The following NELL1 variants were observed in gnomAD, a reference collection of about 807,000 sequenced individuals.
NELL1 encodes neural EGFL like 1.
NELL1 carries 76 observed loss-of-function variants against 107.4 expected under a neutral mutation model. The observed-to-expected ratio is 0.71, with a 90% CI of 0.59 to 0.86. NELL1 has a LOEUF of 0.86. Among genes scored for constraint, NELL1 ranks in the 40% least tolerant of loss-of-function variants. The probability of loss-of-function intolerance (pLI) is 0.00; values close to 1 mark genes in which losing one functional copy is unlikely to be tolerated. For synonymous variants in NELL1, 353 were observed against 341.2 expected (o/e 1.03, Z -0.38); for missense variants, 1,024 against 1,005.5 (o/e 1.02, Z -0.25).
chr11:21,297,529 G>T (rs951388606), intron 14 of NELL1, among the ~76,000 whole-genome samples: 2 of 151,964 alleles, frequency 1.3e-5, no homozygotes, highest in Non-Finnish European at 2.9e-5. Context: ...AAGTTATTTT[G>T]ATCTGTTTTA....
At chr11:21,123,439 G>A (rs1037499514) in intron 13 of NELL1, among the ~76,000 whole-genome samples, 5 of 151,586 alleles carry the variant, frequency 3.3e-5, no homozygotes, top group African/African-American at 1.2e-4. Context: ...TTCAAGCTTA[G>A]GATTAATAAA....
intron 7 of NELL1, among the ~76,000 whole-genome samples, chr11:20,926,615 C>T (rs1850501645): frequency 6.6e-6 from 1 of 152,134 alleles, no homozygotes; most frequent in Admixed American, 6.5e-5. Context: ...GCTTTATAAT[C>T]CCTTTCCAGC....
At chr11:21,417,543 G>A (rs995820549) in intron 15 of NELL1, among the ~76,000 whole-genome samples, 4 of 151,220 alleles carry the variant, frequency 2.6e-5, no homozygotes, top group Admixed American at 6.6e-5. Context: ...CTTTTTACTA[G>A]TAAATCATCT....
intron 15 of NELL1, among the ~76,000 whole-genome samples, chr11:21,476,843 C>G (rs1854347847): frequency 6.6e-6 from 1 of 152,044 alleles, no homozygotes; most frequent in Non-Finnish European, 1.5e-5. Flanking sequence ...CACAGTGCTG[C>G]CCTGTCACAG....
intron 13 of NELL1, among the ~76,000 whole-genome samples, chr11:21,201,337 G>A (rs778028153): frequency 3.9e-5 from 6 of 152,048 alleles, no homozygotes; most frequent in Non-Finnish European, 7.3e-5. Flanking sequence ...CCTTGAAGAG[G>A]TCCTTCACAT....
At chr11:21,458,043 C>G (rs1853795180) in intron 15 of NELL1, among the ~76,000 whole-genome samples, 1 of 151,980 alleles carries the variant, frequency 6.6e-6, no homozygotes, top group Non-Finnish European at 1.5e-5. Flanking sequence ...AGGCCAAAGA[C>G]TAATCACTCT....
At chr11:21,131,327 G>T (rs763085612) in intron 13 of NELL1, among the ~76,000 whole-genome samples, 32 of 152,282 alleles carry the variant, frequency 2.1e-4, no homozygotes, top group Non-Finnish European at 4.4e-4. Context: ...CAAATCATTT[G>T]TGTCAGCATT....
intron 14 of NELL1, among the ~76,000 whole-genome samples, chr11:21,254,021 C>T (rs1170474617): frequency 1.3e-5 from 2 of 151,998 alleles, no homozygotes; most frequent in Non-Finnish European, 2.9e-5. Flanking sequence ...CAGAGGTTTG[C>T]AGAGGGACAT....
intron 12 of NELL1, among the ~76,000 whole-genome samples, chr11:20,995,125 G>GTTT (rs138426333): frequency 5.9e-5 from 9 of 151,382 alleles, no homozygotes; most frequent in African/African-American, 9.7e-5. Context: ...TTAATTTTCT[G>GTTT]GTTTTTTTTT....
chr11:21,155,991 T>C (rs1430337771), intron 13 of NELL1, among the ~76,000 whole-genome samples: 1 of 152,188 alleles, frequency 6.6e-6, no homozygotes. Flanking sequence ...ACAGGACTTT[T>C]TCACCCTAGG....
chr11:21,535,973 A>G (rs902286940), intron 16 of NELL1, among the ~76,000 whole-genome samples: 3 of 152,210 alleles, frequency 2.0e-5, no homozygotes, highest in African/African-American at 7.2e-5. Context: ...TTAACATATG[A>G]CATTAAGCAT....
At chr11:20,764,965 C>A (rs1423900506) in intron 2 of NELL1, among the ~76,000 whole-genome samples, 1 of 152,048 alleles carries the variant, frequency 6.6e-6, no homozygotes, top group Non-Finnish European at 1.5e-5. Context: ...GGTTCAACAC[C>A]AGACTAAGCA....
At chr11:20,952,700 AGAGG>A (rs1851092897) in intron 11 of NELL1, among the ~76,000 whole-genome samples, 1 of 152,216 alleles carries the variant, frequency 6.6e-6, no homozygotes, top group African/African-American at 2.4e-5. Flanking sequence ...GGCTGGGAAC[AGAGG>A]ATAGTCTTAG....
intron 4 of NELL1, among the ~76,000 whole-genome samples, chr11:20,875,935 A>G (rs901488734): frequency 6.6e-6 from 1 of 152,228 alleles, no homozygotes. Context: ...AGCAGGTCAC[A>G]CGCAGGCTTG....
intron 14 of NELL1, among the ~76,000 whole-genome samples, chr11:21,232,173 TATATAA>T (rs151141537): frequency 0.034 from 4,244 of 126,390 alleles, 170 homozygotes; most frequent in Non-Finnish European, 0.042. Flanking sequence ...TATATATATA[TATATAA>T]ATTAGCTGGG....
At chr11:20,920,491 G>A (rs1850354365) in intron 7 of NELL1, among the ~76,000 whole-genome samples, 2 of 152,052 alleles carry the variant, frequency 1.3e-5, no homozygotes, top group Non-Finnish European at 1.5e-5. Flanking sequence ...TTGAGACTGA[G>A]GCCCAGATCT....
At chr11:20,905,731 G>C (rs1253165659) in intron 5 of NELL1, among the ~76,000 whole-genome samples, 1 of 152,030 alleles carries the variant, frequency 6.6e-6, no homozygotes, top group African/African-American at 2.4e-5. Context: ...AATTAACAAG[G>C]CTGTGGAGCA....
chr11:21,053,144 AAGTT>A lies in NELL1; in HGVS notation c.1301-60444_1301-60441del, dbSNP rs200006724. 1.5e-3 allele frequency among the ~76,000 whole-genome samples: 221 copies of A among 152,048 alleles called. 1 individual carries two copies. Among genetic ancestry groups the A allele is most frequent in the East Asian group, 0.011 (59 of 5,146 alleles). On this transcript the variant is annotated intron_variant, in intron 12 of 19. Coordinates refer to ENST00000357134, the MANE Select transcript of NELL1 (RefSeq NM_006157.5). ...CCCATTGTTTTTATTATTATACTTTAAGTTCTGGGATACGTGTACAGAATGTGCA... is the reference window on the plus strand; with the variant it reads ...CCCATTGTTTTTATTATTATACTTTACTGGGATACGTGTACAGAATGTGCA...
intron 14 of NELL1, among the ~76,000 whole-genome samples, chr11:21,357,604 T>C (rs1227898080): frequency 1.3e-5 from 2 of 152,194 alleles, no homozygotes; most frequent in African/African-American, 4.8e-5. Context: ...GTGGGTTGTC[T>C]GTTTGCTGAT....
Sources: allele counts gnomAD v4.1 joint callset (sites outside exome capture counted in the v4.1 genomes callset), GRCh38; gene constraint gnomAD v4.1.1; transcripts MANE v1.5; gene names NCBI Gene and HGNC (gene_info 2026-07-23, HGNC 2026-07-21).